Variants in ATRNL1 observed in about 807,000 individuals in gnomAD.
ATRNL1 encodes the protein attractin like 1.
Under a neutral mutation model 182.7 loss-of-function variants are expected in ATRNL1, and 95 were observed. The observed-to-expected ratio is 0.52, with a 90% CI of 0.44 to 0.62. The LOEUF (loss-of-function observed/expected upper bound fraction) is 0.62, where lower values mean the gene tolerates loss of function less well. ATRNL1 is among the 20% of genes least tolerant of loss of function. The probability of loss-of-function intolerance (pLI) is 0.00; values close to 1 mark genes in which losing one functional copy is unlikely to be tolerated. For synonymous variants in ATRNL1, 576 were observed against 568.3 expected, an observed-to-expected ratio of 1.01 and a Z score of -0.19; for missense variants, 1,471 against 1,679.5, an observed-to-expected ratio of 0.88 and a Z score of 2.17.
rs187224380 is a variant in ATRNL1 at position 115,836,718 on chromosome 10, T to C, written c.3904-11159T>C. 2.6e-5 allele frequency among the ~76,000 whole-genome samples: 4 copies of C among 152,294 alleles called. No homozygotes were observed. The East Asian group carries it at 7.7e-4, about 29-fold the overall frequency. ...CTCACCTAATCTTAACAAATTACATTGGCAAAGGCCCTATTTCCAAAAGAG... is the reference window on the plus strand; with the variant it reads ...CTCACCTAATCTTAACAAATTACATCGGCAAAGGCCCTATTTCCAAAAGAG... On this transcript the variant is annotated intron_variant, in intron 27 of 28. Coordinates refer to ENST00000355044, the MANE Select transcript of ATRNL1 (RefSeq NM_207303.4).
intron 26 of ATRNL1, among the ~76,000 whole-genome samples, chr10:115,591,346 G>T (rs1555012177): frequency 6.6e-6 from 1 of 152,058 alleles, no homozygotes; most frequent in Non-Finnish European, 1.5e-5. Context: ...ATGAATCTTG[G>T]GGCTTATATA....
At chr10:115,807,776 A>C (rs1949955371) in intron 27 of ATRNL1, among the ~76,000 whole-genome samples, 1 of 152,220 alleles carries the variant, frequency 6.6e-6, no homozygotes, top group Non-Finnish European at 1.5e-5. Flanking sequence ...GCGTTAACAA[A>C]TTTTAGTTCT....
chr10:115,495,718 T>C (rs1009751040), intron 24 of ATRNL1, among the ~76,000 whole-genome samples: 1 of 151,946 alleles, frequency 6.6e-6, no homozygotes, highest in Non-Finnish European at 1.5e-5. Context: ...TTTTTTAATT[T>C]GCTGAGAATT....
chr10:115,254,776 A>G (rs1338196571), intron 10 of ATRNL1, among the ~76,000 whole-genome samples: 4 of 152,122 alleles, frequency 2.6e-5, no homozygotes, highest in Non-Finnish European at 5.9e-5. Context: ...TAGGTCTAAC[A>G]TTTAAGTCTT....
At chr10:115,779,945 C>T (rs1949221706) in intron 27 of ATRNL1, among the ~76,000 whole-genome samples, 1 of 152,144 alleles carries the variant, frequency 6.6e-6, no homozygotes, top group Admixed American at 6.5e-5. Flanking sequence ...TGCAGGAACA[C>T]CAAATTTCAC....
intron 19 of ATRNL1, among the ~76,000 whole-genome samples, chr10:115,385,290 G>T (rs1554952301): frequency 1.3e-5 from 2 of 151,928 alleles, no homozygotes; most frequent in African/African-American, 4.8e-5. Context: ...AATTATATTT[G>T]TCTGTTGGCT....
chr10:115,916,185 A>G (rs1952844454), intron 28 of ATRNL1, among the ~76,000 whole-genome samples: 1 of 152,218 alleles, frequency 6.6e-6, no homozygotes, highest in South Asian at 2.1e-4. Flanking sequence ...AAATTGCAGC[A>G]TCATACTCAT....
chr10:115,822,449 T>C (rs1170254435), intron 27 of ATRNL1, among the ~76,000 whole-genome samples: 1 of 151,956 alleles, frequency 6.6e-6, no homozygotes, highest in Non-Finnish European at 1.5e-5. Context: ...CTGAAGGAGA[T>C]AGAGAGACGA....
At position 115,361,167 on chromosome 10, in the gene ATRNL1, T is replaced by G. The variant is rs528653967; in HGVS notation, c.3175+26748T>G. Among the ~76,000 whole-genome samples the G allele has an allele frequency of 2.1e-3, 318 of 152,182 alleles. 1 individual carries two copies. Among genetic ancestry groups the G allele is most frequent in the African/African-American group, 5.8e-3 (239 of 41,546 alleles). ...TTTCACCCGCTAGTTCTAACATATA[T>G]TGATAGTTCTTCTGTAATCAATGAT... is the stretch of plus-strand genomic sequence containing the variant. On this transcript the variant is annotated intron_variant, in intron 19 of 28. Coordinates refer to ENST00000355044, the MANE Select transcript of ATRNL1 (RefSeq NM_207303.4).
intron 28 of ATRNL1, among the ~76,000 whole-genome samples, chr10:115,939,662 G>A (rs1175588171): frequency 6.6e-6 from 1 of 152,144 alleles, no homozygotes; most frequent in Non-Finnish European, 1.5e-5. Context: ...ACTATGCTAG[G>A]CCTAGAGAAC....
intron 19 of ATRNL1, among the ~76,000 whole-genome samples, chr10:115,341,488 T>C (rs558682050): frequency 5.3e-5 from 8 of 152,296 alleles, no homozygotes; most frequent in Admixed American, 4.6e-4. Context: ...TCTGCAGCTG[T>C]TGGATGAAAT....
chr10:115,152,745 C>G (rs1846299027), intron 5 of ATRNL1, among the ~76,000 whole-genome samples: 1 of 152,128 alleles, frequency 6.6e-6, no homozygotes, highest in African/African-American at 2.4e-5. Context: ...GAACTTCCAA[C>G]ACTATGTTGA....
intron 27 of ATRNL1, among the ~76,000 whole-genome samples, chr10:115,772,665 T>G (rs1949025037): frequency 6.7e-6 from 1 of 149,596 alleles, no homozygotes; most frequent in Admixed American, 6.7e-5. Context: ...CTGGACAATT[T>G]AAGTACATTT....
intron 26 of ATRNL1, among the ~76,000 whole-genome samples, chr10:115,723,616 T>A (rs782161269): frequency 2.0e-5 from 3 of 152,086 alleles, no homozygotes; most frequent in African/African-American, 7.2e-5. Flanking sequence ...TGACGCAATC[T>A]CAGCTCACTG....
chr10:115,123,339 A>G (rs1231565490), intron 3 of ATRNL1, among the ~76,000 whole-genome samples: 2 of 152,204 alleles, frequency 1.3e-5, no homozygotes. Flanking sequence ...CAGTTGAGAA[A>G]ATTGACATTC....
At chr10:115,809,078 G>A (rs1949988593) in intron 27 of ATRNL1, among the ~76,000 whole-genome samples, 1 of 151,870 alleles carries the variant, frequency 6.6e-6, no homozygotes, top group Non-Finnish European at 1.5e-5. Context: ...ATACCGAATT[G>A]TTCCAGCATT....
rs1429286923 is a variant in ATRNL1, at chr10:115,534,432, C to T, written c.3717-15026C>T. ...TCAGAGACTAGGATTGCAACCCCTG[C>T]CTTTTTTTGTTTTCCATTTGCTTGG... On this transcript the variant is annotated intron_variant, in intron 25 of 28. Transcript: ENST00000355044. Among the ~76,000 whole-genome samples, 4 of 152,222 alleles carry T rather than the reference C, an allele frequency of 2.6e-5. No individual in the cohort carries two copies. In the East Asian group the frequency reaches 7.7e-4, roughly 29 times the overall value.
chr10:115,434,872 G>A (rs116434513), intron 21 of ATRNL1, among the ~76,000 whole-genome samples: 180 of 152,242 alleles, frequency 1.2e-3, no homozygotes, highest in African/African-American at 4.1e-3. Flanking sequence ...TCCCAAACTT[G>A]TATTAGAATA....
At chr10:115,461,708 A>T (rs1409732536) in intron 21 of ATRNL1, among the ~76,000 whole-genome samples, 2 of 152,074 alleles carry the variant, frequency 1.3e-5, no homozygotes, top group African/African-American at 2.4e-5. Context: ...ACTTTGTAAT[A>T]GCATCAGAAA....
Sources: gnomAD v4.1 joint callset for allele counts (sites outside exome capture counted in the v4.1 genomes callset) on GRCh38, gnomAD v4.1.1 for gene constraint, MANE v1.5 for transcripts, NCBI Gene and HGNC (gene_info 2026-07-23, HGNC 2026-07-21) for gene names.